Variants in TRPM3 observed in about 807,000 individuals in gnomAD.
TRPM3 encodes transient receptor potential cation channel subfamily M member 3, also known as long transient receptor potential channel 3.
TRPM3 carries 77 observed loss-of-function variants against 181.2 expected under a neutral mutation model. The observed-to-expected ratio is 0.42, with a 90% confidence interval of 0.35 to 0.51. The LOEUF (loss-of-function observed/expected upper bound fraction) is 0.51. Ranked by LOEUF, TRPM3 falls within the 20% of genes least tolerant of loss-of-function variation. TRPM3 has a pLI of 0.01. For missense variants in TRPM3, 1,759 were observed against 2,196.7 expected, an observed-to-expected ratio of 0.80 and a Z score of 3.98; for synonymous variants, 745 against 796.4, an observed-to-expected ratio of 0.94 and a Z score of 1.09.
At chr9:70,827,025 A>G (rs958536475) in intron 6 of TRPM3, 2 of 152,378 alleles carry the variant, frequency 1.3e-5, no homozygotes, top group Admixed American at 6.5e-5. Flanking sequence ...CAATAAATAC[A>G]GCAAATAGAG....
intron 7 of TRPM3, among the ~76,000 whole-genome samples, chr9:70,777,567 T>G (rs1164954049): frequency 6.6e-6 from 1 of 152,150 alleles, no homozygotes; most frequent in Non-Finnish European, 1.5e-5. Flanking sequence ...GGTGGCAATA[T>G]ATCTATGTCT....
At chr9:70,541,549 T>C (rs572864524) in intron 25 of TRPM3, among the ~76,000 whole-genome samples, 1 of 148,760 alleles carries the variant, frequency 6.7e-6, no homozygotes, top group Non-Finnish European at 1.5e-5. Flanking sequence ...TTCACTCTTG[T>C]TGCCCAGGCT....
chr9:71,230,480 A>G (rs1357710260), intron 1 of TRPM3, among the ~76,000 whole-genome samples: 1 of 152,208 alleles, frequency 6.6e-6, no homozygotes, highest in Non-Finnish European at 1.5e-5. Flanking sequence ...TGAATCATTT[A>G]TAACACAAAG....
chr9:70,635,217 G>C lies in TRPM3; in HGVS notation c.1626C>G (p.Val542=). Residue 542 remains valine, a synonymous_variant, in exon 12 of 26, where the codon GTC becomes GTG. Coordinates refer to ENST00000677713, the MANE Select transcript of TRPM3 (RefSeq NM_001366145.2). The part of the protein sequence containing the change: ...SNTLYHLVRD[V]KKREYPGFGW... ...CAGTCGAGAGGGTTCTTACCTTTTTGACATCCCTGACCAAGTGGTACAATG... is the reference window on the plus strand; with the variant it reads ...CAGTCGAGAGGGTTCTTACCTTTTTCACATCCCTGACCAAGTGGTACAATG... The C allele has an allele frequency of 1.2e-6, 2 of 1,613,784 alleles. No homozygotes were observed. Among genetic ancestry groups the C allele is most frequent in the South Asian group, 1.1e-5 (1 of 91,056 alleles).
chr9:70,533,070 T>G lies in TRPM3; in HGVS notation c.*2883A>C, dbSNP rs1386075298. The stretch of plus-strand genomic sequence containing the variant: ...ACGTTTCACAGACGTTAGAACTTAA[T>G]TTTCATGCACAACAAAAGAATCAGG... On this transcript the variant is annotated 3_prime_UTR_variant, in exon 26 of 26. Coordinates refer to ENST00000677713, the MANE Select transcript of TRPM3 (RefSeq NM_001366145.2). 6.6e-6 allele frequency: 1 copy of G among 152,232 alleles called. No individual in the cohort carries two copies. Among genetic ancestry groups the G allele is most frequent in the Non-Finnish European group, 1.5e-5 (1 of 68,036 alleles). The allele number at this position is 152,232 out of a possible 1,614,324, so 9.4% of individuals were successfully genotyped here.
At chr9:71,379,824 G>A (rs1459588716) in intron 1 of TRPM3, among the ~76,000 whole-genome samples, 3 of 151,914 alleles carry the variant, frequency 2.0e-5, no homozygotes, top group East Asian at 3.9e-4. Context: ...GAAGAAGCTC[G>A]AATGGTCAAA....
intron 1 of TRPM3, among the ~76,000 whole-genome samples, chr9:71,212,859 G>C (rs968139628): frequency 6.6e-6 from 1 of 151,970 alleles, no homozygotes; most frequent in Non-Finnish European, 1.5e-5. Flanking sequence ...TACTATGTAT[G>C]TATGTATGTA....
At chr9:70,674,722 C>CTCTT (rs1217653908) in intron 9 of TRPM3, among the ~76,000 whole-genome samples, 1 of 89,628 alleles carries the variant, frequency 1.1e-5, no homozygotes, top group Non-Finnish European at 2.4e-5. Context: ...ACTATTCAGG[C>CTCTT]TATTTTTTTT....
chr9:71,071,535 G>T (rs946212984), intron 1 of TRPM3, among the ~76,000 whole-genome samples: 5 of 152,142 alleles, frequency 3.3e-5, no homozygotes, highest in Non-Finnish European at 7.3e-5. Context: ...ATATTAAACT[G>T]CCCAGAAAAT....
intron 1 of TRPM3, among the ~76,000 whole-genome samples, chr9:71,195,097 G>T (rs1006021373): frequency 3.3e-5 from 5 of 152,004 alleles, no homozygotes; most frequent in African/African-American, 9.7e-5. Flanking sequence ...CATAGGAATT[G>T]GTATAAGTTT....
chr9:71,361,138 C>A (rs2132725753), intron 1 of TRPM3, among the ~76,000 whole-genome samples: 1 of 152,240 alleles, frequency 6.6e-6, no homozygotes, highest in African/African-American at 2.4e-5. Flanking sequence ...AGGTGTGCAC[C>A]ACCACGCCCA....
At chr9:70,638,886 G>A (rs1283738401) in intron 11 of TRPM3, among the ~76,000 whole-genome samples, 174 bp downstream of exon 11, 1 of 152,098 alleles carries the variant, frequency 6.6e-6, no homozygotes, top group Non-Finnish European at 1.5e-5. Flanking sequence ...TAAAACAAGC[G>A]GAATCTTGGT....
intron 1 of TRPM3, among the ~76,000 whole-genome samples, chr9:71,182,379 A>G (rs1385378606): frequency 6.6e-6 from 1 of 152,096 alleles, no homozygotes; most frequent in Non-Finnish European, 1.5e-5. Flanking sequence ...ATGGCCCTCC[A>G]GGGTTTCAAA....
chr9:70,846,602 A>T lies in TRPM3; in HGVS notation c.463-11T>A. The T allele has an allele frequency of 6.2e-7, 1 of 1,611,346 alleles. No homozygotes were observed. The highest frequency in any genetic ancestry group is 8.5e-7 in the Non-Finnish European group (1 of 1,177,506). ...AGATACTCGCACATACTGGAAGAAG[A>T]AAGGACATCAATTAGGGAGACAAGG... is the stretch of plus-strand genomic sequence containing the variant. On this transcript the variant is annotated splice_polypyrimidine_tract_variant and intron_variant, in intron 3 of 25. Transcript: ENST00000677713.
chr9:71,210,403 T>C (rs993856323), intron 1 of TRPM3, among the ~76,000 whole-genome samples: 2 of 152,170 alleles, frequency 1.3e-5, no homozygotes, highest in Non-Finnish European at 2.9e-5. Context: ...ATAAATGTAA[T>C]GCACTTGAAT....
At chr9:71,397,997 T>G (rs2093241251) in intron 1 of TRPM3, among the ~76,000 whole-genome samples, 1 of 152,204 alleles carries the variant, frequency 6.6e-6, no homozygotes, top group South Asian at 2.1e-4. Flanking sequence ...TTTAACCAGT[T>G]TATCCAGTTT....
chr9:71,378,845 G>C (rs1261133524), intron 1 of TRPM3, among the ~76,000 whole-genome samples: 1 of 151,794 alleles, frequency 6.6e-6, no homozygotes, highest in Non-Finnish European at 1.5e-5. Context: ...TACTATTACA[G>C]CATTATATAT....
intron 1 of TRPM3, among the ~76,000 whole-genome samples, chr9:70,949,818 T>G (rs1362539833): frequency 6.6e-6 from 1 of 152,200 alleles, no homozygotes; most frequent in Non-Finnish European, 1.5e-5. Context: ...GGTGAAGGTT[T>G]CTGGAGGAAA....
chr9:70,804,930 C>G (rs1267949103), intron 6 of TRPM3, among the ~76,000 whole-genome samples: 1 of 152,156 alleles, frequency 6.6e-6, no homozygotes, highest in African/African-American at 2.4e-5. Flanking sequence ...GCTGTGAAGT[C>G]CACCATGGCA....
Sources: allele counts gnomAD v4.1 joint callset (sites outside exome capture counted in the v4.1 genomes callset), GRCh38; gene constraint gnomAD v4.1.1; transcripts MANE v1.5; gene names NCBI Gene and HGNC (gene_info 2026-07-23, HGNC 2026-07-21).